The following EHHADH variants were observed in gnomAD, a reference collection of about 807,000 sequenced individuals.
EHHADH encodes the protein peroxisomal bifunctional enzyme.
EHHADH carries 48 observed loss-of-function variants against 64.4 expected under a neutral mutation model. The ratio of observed to expected loss-of-function variants is 0.75; its 90% CI spans 0.59 to 0.95. The LOEUF is 0.95. Among genes scored for constraint, EHHADH ranks in the 40% least tolerant of loss-of-function variants. EHHADH has a pLI of 0.00. For synonymous variants in EHHADH, 308 were observed against 326.7 expected (o/e 0.94, Z 0.62); for missense variants, 854 against 876.6 (o/e 0.97, Z 0.33).
At position 185,235,279 on chromosome 3, in the gene EHHADH, T is replaced by C. The variant is rs1246371811; in HGVS notation, c.351+11A>G. 1 of 1,605,136 alleles carries C rather than the reference T, an allele frequency of 6.2e-7. No individual in the cohort carries two copies. Among genetic ancestry groups the C allele is most frequent in the Non-Finnish European group, 8.5e-7 (1 of 1,176,256 alleles). On this transcript the variant is annotated intron_variant, in intron 3 of 6. Coordinates refer to ENST00000231887, the MANE Select transcript of EHHADH (RefSeq NM_001966.4). ...CACACACCAGCCACTATATAGAGCC[T>C]TGGTTGTTACCTCTGCGTGGGCAAT...
At chr3:185,204,840 G>T in intron 5 of EHHADH, 83 bp from the exon 6 acceptor site, 1 of 1,181,646 alleles carries the variant, frequency 8.5e-7, no homozygotes, top group Non-Finnish European at 1.2e-6. Context: ...ACAATAACCT[G>T]TTCAAATTCA....
At position 185,192,036 on chromosome 3, in the gene EHHADH, A is replaced by T; in HGVS notation, c.*190T>A. Reference sequence around the variant, plus strand: ...TGCATTGAATTTATCTGATAAGGACAGATTCAGAGGCATAGGAAGCACATT... The same window carrying T: ...TGCATTGAATTTATCTGATAAGGACTGATTCAGAGGCATAGGAAGCACATT... On this transcript the variant is annotated 3_prime_UTR_variant, in exon 7 of 7. Coordinates refer to ENST00000231887, the MANE Select transcript of EHHADH (RefSeq NM_001966.4). 1 of 643,268 alleles carries T rather than the reference A, an allele frequency of 1.6e-6. No individual in the cohort carries two copies. The highest frequency in any genetic ancestry group is 2.6e-6 in the Non-Finnish European group (1 of 380,692). The allele number at this position is 643,268 out of a possible 1,614,324, so 39.8% of individuals were successfully genotyped here.
At chr3:185,234,702 CT>C (rs1032240873) in intron 3 of EHHADH, among the ~76,000 whole-genome samples, 2 of 151,316 alleles carry the variant, frequency 1.3e-5, no homozygotes, top group Non-Finnish European at 2.9e-5. Context: ...AGGAGTTCCC[CT>C]GTAGTTGATG....
At chr3:185,229,401 C>A in intron 4 of EHHADH, 31 bp downstream of exon 4, 1 of 1,329,466 alleles carries the variant, frequency 7.5e-7, no homozygotes, top group Admixed American at 2.6e-5. Context: ...TCACACTAAT[C>A]TAGACAGTTG....
chr3:185,230,190 G>A (rs1165168991), intron 3 of EHHADH, among the ~76,000 whole-genome samples: 1 of 152,192 alleles, frequency 6.6e-6, no homozygotes, highest in Non-Finnish European at 1.5e-5. Flanking sequence ...AGAGGATATG[G>A]AGAATACAGA....
intron 2 of EHHADH, chr3:185,246,079 A>C: frequency 7.8e-7 from 1 of 1,278,484 alleles, no homozygotes; most frequent in Non-Finnish European, 1.1e-6. Context: ...TCTTCTTTTT[A>C]TTCCAAGCAT....
At chr3:185,228,262 A>ATATATG (rs1719051259) in intron 4 of EHHADH, among the ~76,000 whole-genome samples, 1 of 53,542 alleles carries the variant, frequency 1.9e-5, no homozygotes, top group African/African-American at 4.3e-5. Context: ...AAAAAAATAT[A>ATATATG]TATATATATA....
chr3:185,204,524 G>A lies in EHHADH; in HGVS notation c.802C>T (p.Leu268=). The A allele has an allele frequency of 6.2e-7, 1 of 1,614,158 alleles. No individual in the cohort carries two copies. Among genetic ancestry groups the A allele is most frequent in the Non-Finnish European group, 8.5e-7 (1 of 1,180,048 alleles). ...CTTTCAGCGAAGAAAGCATATTGCA[G>A]GGCTCTAGCCTGCCCTGATTGCAAA... is the stretch of plus-strand genomic sequence containing the variant. ...YLLQSGQARA[L]QYAFFAERKA... Residue 268 remains leucine, a synonymous_variant, in exon 6 of 7, where the codon CTG becomes TTG. Coordinates refer to ENST00000231887, the MANE Select transcript of EHHADH (RefSeq NM_001966.4).
intron 6 of EHHADH, among the ~76,000 whole-genome samples, chr3:185,203,527 G>A (rs753657080): frequency 3.3e-5 from 5 of 152,150 alleles, no homozygotes; most frequent in African/African-American, 9.7e-5. Flanking sequence ...CTTGAGCCGA[G>A]ACTAAGAGCA....
At chr3:185,245,367 T>C in intron 2 of EHHADH, 1 of 413,880 alleles carries the variant, frequency 2.4e-6, no homozygotes, top group South Asian at 5.1e-5. Flanking sequence ...AGCTTTTTTA[T>C]CTTGCTTTTA....
At chr3:185,236,408 C>T (rs1281382245) in intron 2 of EHHADH, among the ~76,000 whole-genome samples, 2 of 140,302 alleles carry the variant, frequency 1.4e-5, no homozygotes, top group Non-Finnish European at 3.0e-5. Context: ...CTACCCCTGT[C>T]CATGGAAAAA....
chr3:185,194,730 T>A (rs1718008680), intron 6 of EHHADH, among the ~76,000 whole-genome samples: 1 of 135,428 alleles, frequency 7.4e-6, no homozygotes, highest in Non-Finnish European at 1.5e-5. Context: ...AGCCCAGGAG[T>A]TTGAGGATTG....
intron 5 of EHHADH, among the ~76,000 whole-genome samples, chr3:185,217,153 G>C (rs1197317977): frequency 6.6e-6 from 1 of 152,126 alleles, no homozygotes; most frequent in Admixed American, 6.6e-5. Flanking sequence ...CCTGGTGGGA[G>C]GTTACTGGGT....
intron 6 of EHHADH, among the ~76,000 whole-genome samples, chr3:185,194,824 A>AAAAAAAAAAAAAAC (rs1429979242): frequency 6.8e-6 from 1 of 146,780 alleles, no homozygotes. Context: ...AAAAAAAAAA[A>AAAAAAAAAAAAAAC]AAAAGAAGCC....
intron 5 of EHHADH, among the ~76,000 whole-genome samples, chr3:185,212,378 T>G (rs1010214656): frequency 1.3e-5 from 2 of 152,160 alleles, no homozygotes; most frequent in African/African-American, 4.8e-5. Flanking sequence ...CAGTGTTAAG[T>G]TTGTAGAGAA....
At chr3:185,246,373 T>A (rs1719594938) in intron 2 of EHHADH, 1 of 670,140 alleles carries the variant, frequency 1.5e-6, no homozygotes, top group African/African-American at 1.8e-5. Context: ...TCATCTAACA[T>A]AAAAGGCTTC....
chr3:185,228,280 G>GA (rs1553778714), intron 4 of EHHADH, among the ~76,000 whole-genome samples: 1 of 95,576 alleles, frequency 1.0e-5, no homozygotes, highest in African/African-American at 3.8e-5. Flanking sequence ...ATATATATAT[G>GA]GAGAGAGAGA....
At chr3:185,196,500 C>T (rs925052396) in intron 6 of EHHADH, among the ~76,000 whole-genome samples, 11 of 151,878 alleles carry the variant, frequency 7.2e-5, no homozygotes, top group South Asian at 2.1e-4. Context: ...ATTAGCTGGA[C>T]GTGGTGGTGC....
In EHHADH at chr3:185,245,811, C is replaced by T. The variant is rs190938387; in HGVS notation, c.178+2603G>A. On this transcript the variant is annotated intron_variant, in intron 2 of 6. Transcript: ENST00000231887. The stretch of plus-strand genomic sequence containing the variant: ...TTGACAGAAGAAGTTTTCTTGGTTC[C>T]TACTCAGACGACCTGTGGAGGTTGC... 2.1e-5 allele frequency: 16 copies of T among 754,230 alleles called. No homozygotes were observed. In the East Asian group the frequency reaches 2.9e-4, roughly 14 times the overall value. 46.7% of individuals were successfully genotyped at this position (754,230 alleles called of 1,614,324 possible).
Sources: gnomAD v4.1 joint callset for allele counts (sites outside exome capture counted in the v4.1 genomes callset) on GRCh38, gnomAD v4.1.1 for gene constraint, MANE v1.5 for transcripts, NCBI Gene and HGNC (gene_info 2026-07-23, HGNC 2026-07-21) for gene names.